The following CTRL variants were observed in gnomAD, a reference collection of about 807,000 sequenced individuals.
The protein encoded by CTRL is chymotrypsin like, also known as chymotrypsin-like protease CTRL-1.
CTRL carries 38 observed loss-of-function variants against 35.5 expected under a neutral mutation model. The observed-to-expected ratio is 1.07, with a 90% CI of 0.83 to 1.40. The LOEUF (loss-of-function observed/expected upper bound fraction) is 1.40, where lower values mean the gene tolerates loss of function less well. CTRL is among the 40% of genes most tolerant of loss of function. The pLI is 0.00. For synonymous variants in CTRL, 155 were observed against 141.1 expected, an observed-to-expected ratio of 1.10 and a Z score of -0.70; for missense variants, 327 against 342.9, an observed-to-expected ratio of 0.95 and a Z score of 0.37.
In CTRL at chr16:67,931,197, G is replaced by A. The variant is rs762685842; in HGVS notation, c.57C>T (p.Cys19=). ...SLVLLGSSWG[C]GIPAIKPALS... ...GTGCCGGTTTGATGGCAGGAATGCC[G>A]CAGCCTGGCCATTGGGCTAATGAGG... is the stretch of plus-strand genomic sequence containing the variant. The change falls in exon 2 of 7, where the codon TGC becomes TGT. Residue 19 remains cysteine (C), a synonymous_variant. Coordinates refer to ENST00000574481, the MANE Select transcript of CTRL (RefSeq NM_001907.3). 97 of 1,613,794 alleles carry A rather than the reference G, an allele frequency of 6.0e-5. No individual in the cohort carries two copies. Among genetic ancestry groups the A allele is most frequent in the African/African-American group, 8.0e-5 (6 of 74,932 alleles).
chr16:67,931,503 T>G (rs1470751508), intron 1 of CTRL: 5 of 585,634 alleles, frequency 8.5e-6, no homozygotes, highest in African/African-American at 7.5e-5. Context: ...ATACCCTTCA[T>G]GCAGCCAGAA....
rs1159206333 is a variant in CTRL at position 67,931,076 on chromosome 16, GCCCACC to G, written c.156+16_156+21del. The G allele has an allele frequency of 3.7e-6, 6 of 1,613,522 alleles. No individual in the cohort carries two copies. Among genetic ancestry groups the G allele is most frequent in the Non-Finnish European group, 5.1e-6 (6 of 1,179,720 alleles). On this transcript the variant is annotated intron_variant, in intron 2 of 6. Coordinates refer to ENST00000574481, the MANE Select transcript of CTRL (RefSeq NM_001907.3). ...CTAGGCATGACGTACCCAGGACCCT[GCCCACC>G]CCTCTGGTGGTGTACCTGCAGGGAC... is the stretch of plus-strand genomic sequence containing the variant.
Position 67,930,814 on chromosome 16 carries a change from G to T in CTRL, c.237-7C>A, listed in dbSNP as rs759985864. 5 of 1,613,816 alleles carry T rather than the reference G, an allele frequency of 3.1e-6. No individual in the cohort carries two copies. In the African/African-American group the frequency reaches 5.3e-5, roughly 17 times the overall value. ...AACAAAATGGCGGCCAGGGCTGCAAGGGGGTGGGATTAGGCAGCTGCAGGG... is the reference window on the plus strand; with the variant it reads ...AACAAAATGGCGGCCAGGGCTGCAATGGGGTGGGATTAGGCAGCTGCAGGG... On this transcript the variant is annotated splice_region_variant and splice_polypyrimidine_tract_variant and intron_variant, in intron 3 of 6. Transcript: ENST00000574481. The surrounding 1 kb of genome is among the most constrained non-coding windows in gnomAD (Gnocchi z 4.3).
rs1200142260 is a variant in CTRL, at chr16:67,931,200, G to A, written c.54C>T (p.Gly18=). The change falls in exon 2 of 7, where the codon GGC becomes GGT. Residue 18 remains glycine, a splice_region_variant and synonymous_variant. Transcript: ENST00000574481. ...CCGGTTTGATGGCAGGAATGCCGCA[G>A]CCTGGCCATTGGGCTAATGAGGACC... ...LSLVLLGSSW[G]CGIPAIKPAL... 16 of 1,613,840 alleles carry A rather than the reference G, an allele frequency of 9.9e-6. 1 individual carries two copies. The highest frequency in any genetic ancestry group is 1.3e-5 in the African/African-American group (1 of 74,928).
In CTRL at chr16:67,931,858, C is replaced by A; in HGVS notation, c.-6G>T. The A allele has an allele frequency of 6.4e-7, 1 of 1,568,254 alleles. No individual in the cohort carries two copies. Among genetic ancestry groups the A allele is most frequent in the Admixed American group, 1.9e-5 (1 of 53,378 alleles). On this transcript the variant is annotated 5_prime_UTR_variant, in exon 1 of 7. Transcript: ENST00000574481. ...GTCAGGCTGAGCAGCAACATCGTGGCAGATGTGAGGTTGGGAGCTGGGTCT... is the reference window on the plus strand; with the variant it reads ...GTCAGGCTGAGCAGCAACATCGTGGAAGATGTGAGGTTGGGAGCTGGGTCT...
Position 67,929,877 on chromosome 16 carries a change from TGATG to T in CTRL, c.*53_*56del, listed in dbSNP as rs2058232051. 3 of 1,569,398 alleles carry T rather than the reference TGATG, an allele frequency of 1.9e-6. No individual in the cohort carries two copies. In the East Asian group the frequency reaches 6.8e-5, roughly 35 times the overall value. ...AGCCAGGAAGACAGACATGAATGCA[TGATG>T]GGACAGGGCCTGGGTCTTTAATGGG... On this transcript the variant is annotated 3_prime_UTR_variant, in exon 7 of 7. Coordinates refer to ENST00000574481, the MANE Select transcript of CTRL (RefSeq NM_001907.3).
rs1439321841 is a variant in CTRL, at chr16:67,930,197, G to A, written c.621C>T (p.Ala207=). The A allele has an allele frequency of 1.2e-6, 2 of 1,614,010 alleles. No homozygotes were observed. Residue 207 remains alanine, a synonymous_variant, in exon 6 of 7, where the codon GCC becomes GCT. Transcript: ENST00000574481. The surrounding 1 kb of genome is among the most constrained non-coding windows in gnomAD (Gnocchi z 4.3). The part of the protein sequence containing the change: ...DSMICAGGAG[A]SSCQGDSGGP... ...TGCTGGGGCTTACCTGGCACGAGGA[G>A]GCACCTGCGCCACCTGCACAGATCA...
chr16:67,930,548 T>C lies in CTRL; in HGVS notation c.359A>G (p.Asn120Ser), dbSNP rs1037699159. 7 of 1,614,122 alleles carry C rather than the reference T, an allele frequency of 4.3e-6. No individual in the cohort carries two copies. Among genetic ancestry groups the C allele is most frequent in the Non-Finnish European group, 5.1e-6 (6 of 1,180,012 alleles). The change falls in exon 5 of 7, where the codon AAT (asparagine) becomes AGT (serine). Residue 120 changes from asparagine to serine, a missense_variant. By Grantham distance (46) the Asn-to-Ser change is conservative (BLOSUM62 1). Transcript: ENST00000574481. The surrounding 1 kb of genome is among the most constrained non-coding windows in gnomAD (Gnocchi z 4.3). Reference sequence around the variant, plus strand: ...GGCGAGCTTCAGCAGCGTCACGTCATTGTTCATGGTGGTAGAGTTCCAGCT... The same window carrying C: ...GGCGAGCTTCAGCAGCGTCACGTCACTGTTCATGGTGGTAGAGTTCCAGCT... Reference protein sequence around the residue: ...HPSWNSTTMNNDVTLLKLASP... With the variant: ...HPSWNSTTMNSDVTLLKLASP...
rs766375521 is a variant in CTRL at position 67,930,838 on chromosome 16, G to T, written c.237-31C>A. On this transcript the variant is annotated intron_variant, in intron 3 of 6. Transcript: ENST00000574481. The surrounding 1 kb of genome is among the most constrained non-coding windows in gnomAD (Gnocchi z 4.3). ...AGGGGGTGGGATTAGGCAGCTGCAG[G>T]GAGGCCAGCGCGAGAGGGGGACAGC... 7 of 1,613,666 alleles carry T rather than the reference G, an allele frequency of 4.3e-6. No individual in the cohort carries two copies. In the South Asian group the frequency reaches 7.7e-5, roughly 18 times the overall value.
Position 67,930,617 on chromosome 16 carries a change from GA to G in CTRL, c.319-30del. On this transcript the variant is annotated intron_variant, in intron 4 of 6. Coordinates refer to ENST00000574481, the MANE Select transcript of CTRL (RefSeq NM_001907.3). This position sits in a 1 kb window ranked among gnomAD's most constrained non-coding sequence, Gnocchi z 4.3. ...TGGGGTCAGAAACAGTCCATGTTCT[GA>G]TGGGTGCTGAGCAGGGTAGGCCAGG... 1 of 1,610,838 alleles carries G rather than the reference GA, an allele frequency of 6.2e-7. No homozygotes were observed. The highest frequency in any genetic ancestry group is 8.5e-7 in the Non-Finnish European group (1 of 1,177,246).
In CTRL at chr16:67,931,066, C is replaced by T. The variant is rs772250983; in HGVS notation, c.156+32G>A. ...GAGGCTGCCCCTAGGCATGACGTAC[C>T]CAGGACCCTGCCCACCCCTCTGGTG... On this transcript the variant is annotated intron_variant, in intron 2 of 6. Transcript: ENST00000574481. 10 of 1,613,688 alleles carry T rather than the reference C, an allele frequency of 6.2e-6. No homozygotes were observed. In the Middle Eastern group the frequency reaches 1.2e-3, roughly 186 times the overall value.
intron 1 of CTRL, 84 bp downstream of exon 1, chr16:67,931,717 A>G: frequency 6.7e-7 from 1 of 1,482,246 alleles, no homozygotes; most frequent in Non-Finnish European, 9.2e-7. Flanking sequence ...CGTCCCTTCC[A>G]GCCAGCCTAG....
rs2058237655 is a variant in CTRL at position 67,930,844 on chromosome 16, C to G, written c.237-37G>C. ...TGGGATTAGGCAGCTGCAGGGAGGC[C>G]AGCGCGAGAGGGGGACAGCCAGGGG... On this transcript the variant is annotated intron_variant, in intron 3 of 6. Transcript: ENST00000574481. The surrounding 1 kb of genome is among the most constrained non-coding windows in gnomAD (Gnocchi z 4.3). 6.2e-7 allele frequency: 1 copy of G among 1,613,336 alleles called. No homozygotes were observed. Among genetic ancestry groups the G allele is most frequent in the Admixed American group, 1.7e-5 (1 of 60,006 alleles).
rs201773939 is a variant in CTRL at position 67,930,472 on chromosome 16, T to G, written c.435A>C (p.Ser145=). The change falls in exon 5 of 7, where the codon TCA becomes TCC. Residue 145 remains serine (S), a synonymous_variant. Transcript: ENST00000574481. The surrounding 1 kb of genome is among the most constrained non-coding windows in gnomAD (Gnocchi z 4.3). ...TGAGGCCTTCAGTCAGAGCCTCGTT[T>G]GAGGATGCCAGGCAAACTGGCGAGA... ...TRISPVCLAS[S]NEALTEGLTC... is the part of the protein sequence containing the mutation. 1 of 1,614,090 alleles carries G rather than the reference T, an allele frequency of 6.2e-7. No homozygotes were observed.
rs1385617242 is a variant in CTRL at position 67,930,102 on chromosome 16, G to A, written c.634-7C>T. 2 of 1,613,922 alleles carry A rather than the reference G, an allele frequency of 1.2e-6. No individual in the cohort carries two copies. Among genetic ancestry groups the A allele is most frequent in the African/African-American group, 2.7e-5 (2 of 74,930 alleles). ...GAGGGCCTCCGGAGTCACCCTGAGAGGGAAGAGGGAGGGAGAATTGAGTAG... is the reference window on the plus strand; with the variant it reads ...GAGGGCCTCCGGAGTCACCCTGAGAAGGAAGAGGGAGGGAGAATTGAGTAG... On this transcript the variant is annotated splice_region_variant and splice_polypyrimidine_tract_variant and intron_variant, in intron 6 of 6. Coordinates refer to ENST00000574481, the MANE Select transcript of CTRL (RefSeq NM_001907.3). The surrounding 1 kb of genome is among the most constrained non-coding windows in gnomAD (Gnocchi z 4.3).
rs560333234 is a variant in CTRL, at chr16:67,929,986, G to C, written c.743C>G (p.Thr248Ser). 2 of 1,614,186 alleles carry C rather than the reference G, an allele frequency of 1.2e-6. No homozygotes were observed. Among genetic ancestry groups the C allele is most frequent in the African/African-American group, 2.7e-5 (2 of 75,036 alleles). ...CCAGGTGCTGAACTTGCTAACTCGAGTATACACAGCAGGTGCGCGCACATT... is the reference window on the plus strand; with the variant it reads ...CCAGGTGCTGAACTTGCTAACTCGACTATACACAGCAGGTGCGCGCACATT... ...NCNVRAPAVYTRVSKFSTWIN... is the reference protein window; with the variant it reads ...NCNVRAPAVYSRVSKFSTWIN... The change falls in exon 7 of 7, where the codon ACT (threonine) becomes AGT (serine). Residue 248 changes from threonine to serine, a missense_variant. Thr to Ser is a moderately conservative substitution (Grantham distance 58). Coordinates refer to ENST00000574481, the MANE Select transcript of CTRL (RefSeq NM_001907.3).
rs2058232719 is a variant in CTRL at position 67,929,999 on chromosome 16, G to A, written c.730C>T (p.Pro244Ser). 1 of 1,614,166 alleles carries A rather than the reference G, an allele frequency of 6.2e-7. No individual in the cohort carries two copies. The highest frequency in any genetic ancestry group is 8.5e-7 in the Non-Finnish European group (1 of 1,180,016). ...TTGCTAACTCGAGTATACACAGCAG[G>A]TGCGCGCACATTGCAGTTTTTGGTG... ...WGTKNCNVRA[P>S]AVYTRVSKFS... is the part of the protein sequence containing the mutation. Residue 244 changes from proline to serine, a missense_variant, in exon 7 of 7, where the codon CCT becomes TCT. Coordinates refer to ENST00000574481, the MANE Select transcript of CTRL (RefSeq NM_001907.3).
At position 67,930,375 on chromosome 16, in the gene CTRL, C is replaced by T. The variant is rs1363451062; in HGVS notation, c.499+33G>A. On this transcript the variant is annotated intron_variant, in intron 5 of 6. Transcript: ENST00000574481. The surrounding 1 kb of genome is among the most constrained non-coding windows in gnomAD (Gnocchi z 4.3). Reference sequence around the variant, plus strand: ...CCAGAACACTGGTCCCCACCCCAGTCCTCCCACCCTGAGCTTTGGCCTGAG... The same window carrying T: ...CCAGAACACTGGTCCCCACCCCAGTTCTCCCACCCTGAGCTTTGGCCTGAG... 6.2e-7 allele frequency: 1 copy of T among 1,612,264 alleles called. No homozygotes were observed. The highest frequency in any genetic ancestry group is 1.7e-5 in the Admixed American group (1 of 60,010).
intron 1 of CTRL, 190 bp from the exon 2 acceptor site, chr16:67,931,391 TC>T: frequency 1.6e-6 from 1 of 626,244 alleles, no homozygotes; most frequent in Non-Finnish European, 2.9e-6. Flanking sequence ...ATCCACCCAG[TC>T]CCCCAGCCCT....
Sources: gnomAD v4.1 joint callset for allele counts on GRCh38, gnomAD v4.1.1 for gene constraint, Gnocchi (gnomAD v3.1) non-coding constraint, MANE v1.5 for transcripts, NCBI Gene and HGNC (gene_info 2026-07-23, HGNC 2026-07-21) for gene names.